Variants in RARB observed in about 807,000 individuals in gnomAD.
The protein encoded by RARB is retinoic acid receptor beta.
A neutral mutation model predicts 51.9 loss-of-function variants in RARB; 17 were observed. That is an observed-to-expected ratio of 0.33 (90% CI 0.22 to 0.49). The LOEUF (loss-of-function observed/expected upper bound fraction) is 0.49, where lower values mean the gene tolerates loss of function less well. Among genes scored for constraint, RARB ranks in the 20% least tolerant of loss-of-function variants. RARB has a pLI of 0.99. For synonymous variants in RARB, 215 were observed against 195.4 expected, an observed-to-expected ratio of 1.10 and a Z score of -0.84; for missense variants, 369 against 550.8, an observed-to-expected ratio of 0.67 and a Z score of 3.30.
intron 5 of RARB, among the ~76,000 whole-genome samples, chr3:25,409,850 T>C (rs775094444): frequency 1.1e-4 from 16 of 152,216 alleles, no homozygotes; most frequent in South Asian, 2.1e-4. Flanking sequence ...GTGTCTTACT[T>C]TTACCTCCCA....
intron 4 of RARB, among the ~76,000 whole-genome samples, chr3:25,157,418 T>G (rs774498405): frequency 1.6e-4 from 24 of 151,804 alleles, no homozygotes; most frequent in Admixed American, 5.9e-4. Flanking sequence ...TTTTGTTTTT[T>G]TTTGAGACAG....
intron 5 of RARB, among the ~76,000 whole-genome samples, chr3:25,194,492 T>TAC (rs1223450541): frequency 4.6e-5 from 7 of 150,590 alleles, no homozygotes; most frequent in Admixed American, 6.7e-5. Context: ...TATATATATA[T>TAC]ACACACACAT....
At chr3:25,279,328 C>G (rs184645190) in intron 5 of RARB, among the ~76,000 whole-genome samples, 2 of 152,160 alleles carry the variant, frequency 1.3e-5, no homozygotes, top group African/African-American at 2.4e-5. Context: ...CAAAGGATAC[C>G]TCTTGTCCTG....
intron 5 of RARB, among the ~76,000 whole-genome samples, chr3:25,282,450 C>T (rs1211693297): frequency 6.6e-6 from 1 of 152,032 alleles, no homozygotes; most frequent in Admixed American, 6.5e-5. Context: ...ACTTTTGATG[C>T]CCCTTATACT....
intron 5 of RARB, among the ~76,000 whole-genome samples, chr3:25,233,791 G>A (rs372117658): frequency 1.3e-5 from 2 of 150,716 alleles, no homozygotes; most frequent in African/African-American, 4.9e-5. Flanking sequence ...ATCATGAATG[G>A]ATGTTGAATT....
intron 2 of RARB, among the ~76,000 whole-genome samples, chr3:25,474,285 G>C (rs956931070): frequency 6.6e-5 from 10 of 152,090 alleles, no homozygotes; most frequent in Non-Finnish European, 1.5e-4. Context: ...TTTTTGTTTG[G>C]ATCTTACTTC....
intron 3 of RARB, among the ~76,000 whole-genome samples, chr3:25,105,954 T>C (rs569118904): frequency 3.2e-4 from 49 of 152,168 alleles, no homozygotes; most frequent in African/African-American, 1.2e-3. Context: ...CACAGTACGA[T>C]TTGGTAGTGT....
At chr3:25,416,568 T>A (rs2125503871) in intron 5 of RARB, among the ~76,000 whole-genome samples, 1 of 152,344 alleles carries the variant, frequency 6.6e-6, no homozygotes, top group South Asian at 2.1e-4. Context: ...TCTCTAAAGG[T>A]ACAGATTGTA....
intron 3 of RARB, among the ~76,000 whole-genome samples, chr3:25,557,173 A>ACACACACAC (rs1287317301): frequency 1.3e-4 from 19 of 149,086 alleles, no homozygotes; most frequent in South Asian, 2.1e-4. Context: ...ACACACACAC[A>ACACACACAC]ATTGCCATGA....
chr3:24,844,461 C>T (rs376233617), intron 1 of RARB, among the ~76,000 whole-genome samples: 22 of 152,270 alleles, frequency 1.4e-4, no homozygotes, highest in African/African-American at 2.6e-4. Flanking sequence ...AAATCTCTAT[C>T]GGTTTCAAAT....
At chr3:24,902,874 G>A (rs868712543) in intron 2 of RARB, among the ~76,000 whole-genome samples, 62 of 152,060 alleles carry the variant, frequency 4.1e-4, no homozygotes, top group African/African-American at 1.3e-3. Context: ...TCAGTTTAAG[G>A]GTTTTAGCAA....
At chr3:24,913,576 C>T (rs922155894) in intron 2 of RARB, among the ~76,000 whole-genome samples, 1 of 152,000 alleles carries the variant, frequency 6.6e-6, no homozygotes, top group Non-Finnish European at 1.5e-5. Flanking sequence ...AATATTGTTA[C>T]AAAAATGGGT....
chr3:25,490,470 T>G (rs578178655), intron 2 of RARB, among the ~76,000 whole-genome samples: 1 of 152,356 alleles, frequency 6.6e-6, no homozygotes, highest in African/African-American at 2.4e-5. Flanking sequence ...GGCCAAATGT[T>G]GCATACCAAA....
At chr3:25,323,392 G>T (rs1041381815) in intron 5 of RARB, among the ~76,000 whole-genome samples, 20 of 152,166 alleles carry the variant, frequency 1.3e-4, no homozygotes, top group African/African-American at 4.3e-4. Context: ...CTGAAAATGT[G>T]CCACTTTTAG....
chr3:25,596,731 CAAG>C lies in RARB; in HGVS notation c.*119_*121del. ...TTTGGACTGAAAAGATATTAAAACT[CAAG>C]AAGGACCAAGAAGTTTTCATATGTA... On this transcript the variant is annotated 3_prime_UTR_variant, in exon 8 of 8. Coordinates refer to ENST00000330688, the MANE Select transcript of RARB (RefSeq NM_000965.5). 1 of 872,578 alleles carries C rather than the reference CAAG, an allele frequency of 1.1e-6. No individual in the cohort carries two copies. Among genetic ancestry groups the C allele is most frequent in the Non-Finnish European group, 1.7e-6 (1 of 585,882 alleles). The allele number at this position is 872,578 out of a possible 1,614,324, so 54.1% of individuals were successfully genotyped here.
chr3:25,176,370 C>T (rs182333104), intron 5 of RARB, among the ~76,000 whole-genome samples: 3,477 of 62,700 alleles, frequency 0.055, 63 homozygotes, highest in South Asian at 0.15. Context: ...TCCTTCCTTC[C>T]TTCCTTCCTT....
intron 5 of RARB, among the ~76,000 whole-genome samples, chr3:25,328,465 A>G (rs960304914): frequency 6.6e-6 from 1 of 152,240 alleles, no homozygotes; most frequent in Non-Finnish European, 1.5e-5. Context: ...GGTTGCAGTG[A>G]GCTGAGATCA....
At chr3:25,040,405 T>G (rs544796277) in intron 2 of RARB, among the ~76,000 whole-genome samples, 2 of 152,266 alleles carry the variant, frequency 1.3e-5, no homozygotes, top group East Asian at 1.9e-4. Context: ...ATTATGATTG[T>G]TCAAATGAGC....
chr3:25,046,195 T>G (rs1191868777), intron 2 of RARB, among the ~76,000 whole-genome samples: 1 of 152,198 alleles, frequency 6.6e-6, no homozygotes, highest in Non-Finnish European at 1.5e-5. Context: ...CCTGTTGGCC[T>G]GAGCACCCCC....
Sources: gnomAD v4.1 joint callset for allele counts (sites outside exome capture counted in the v4.1 genomes callset) on GRCh38, gnomAD v4.1.1 for gene constraint, MANE v1.5 for transcripts, NCBI Gene and HGNC (gene_info 2026-07-23, HGNC 2026-07-21) for gene names.